The following FRMPD4 variants were observed in gnomAD, a reference collection of about 807,000 sequenced individuals.
FRMPD4 encodes FERM and PDZ domain containing 4.
In FRMPD4, 22 loss-of-function variants were observed where a neutral mutation model predicts 94.1. That is an observed-to-expected ratio of 0.23 (90% CI 0.17 to 0.33). The LOEUF (loss-of-function observed/expected upper bound fraction) is 0.33, where lower values mean the gene tolerates loss of function less well. FRMPD4 is among the 10% of genes least tolerant of loss of function. The probability of loss-of-function intolerance (pLI) is 1.00; values close to 1 mark genes in which losing one functional copy is unlikely to be tolerated. For missense variants in FRMPD4, 1,111 were observed against 1,339.9 expected, an observed-to-expected ratio of 0.83 and a Z score of 2.67; for synonymous variants, 631 against 548.6, an observed-to-expected ratio of 1.15 and a Z score of -2.10.
chrX:12,686,034 T>G, intron 6 of FRMPD4, 63 bp from the exon 7 acceptor site: 1 of 537,567 alleles, frequency 1.9e-6, no homozygotes, highest in East Asian at 3.4e-5. Context: ...GATGTGCTGC[T>G]ACTGCAAAGA....
intron 2 of FRMPD4, among the ~76,000 whole-genome samples, chrX:12,587,512 A>G (rs1179190586): frequency 9.0e-6 from 1 of 111,513 alleles, no homozygotes; most frequent in Non-Finnish European, 1.9e-5. Context: ...TGTTTCATAT[A>G]AATGGAATCC....
chrX:12,032,704 C>G (rs2054699228), intron 3 of FRMPD4, among the ~76,000 whole-genome samples: 1 of 112,087 alleles, frequency 8.9e-6, no homozygotes, highest in South Asian at 3.7e-4. Flanking sequence ...CTGGCATAAG[C>G]AAAACGATGA....
intron 4 of FRMPD4, among the ~76,000 whole-genome samples, chrX:12,644,639 T>C (rs752412907): frequency 1.8e-5 from 2 of 111,509 alleles, no homozygotes; most frequent in African/African-American, 6.5e-5. Context: ...ATAGCCCCAC[T>C]ACTCTGCCCA....
chrX:12,414,782 C>T (rs775228835), intron 1 of FRMPD4, among the ~76,000 whole-genome samples: 2 of 111,938 alleles, frequency 1.8e-5, no homozygotes, highest in Non-Finnish European at 3.8e-5. Flanking sequence ...TGGTGCTTTA[C>T]ATATCACTAC....
intron 3 of FRMPD4, among the ~76,000 whole-genome samples, chrX:12,115,881 C>T (rs1243455391): frequency 8.9e-6 from 1 of 111,924 alleles, no homozygotes; most frequent in Non-Finnish European, 1.9e-5. Flanking sequence ...TCACTCTTCC[C>T]TTGCAAGCTG....
At chrX:12,286,426 C>T (rs2054600718) in intron 1 of FRMPD4, among the ~76,000 whole-genome samples, 1 of 111,678 alleles carries the variant, frequency 9.0e-6, no homozygotes, top group African/African-American at 3.3e-5. Flanking sequence ...GTACAGTTTG[C>T]CTCAGAAATG....
intron 1 of FRMPD4, among the ~76,000 whole-genome samples, chrX:12,291,548 A>G (rs12391308): frequency 0.052 from 5,793 of 111,783 alleles, 388 homozygotes; most frequent in African/African-American, 0.18. Flanking sequence ...CATTTTCTAC[A>G]TGGGTATCCT....
intron 3 of FRMPD4, among the ~76,000 whole-genome samples, chrX:12,130,267 C>T (rs986045713): frequency 9.0e-6 from 1 of 111,728 alleles, no homozygotes; most frequent in Non-Finnish European, 1.9e-5. Flanking sequence ...GCCTCTACCC[C>T]ACTGTTCTCA....
chrX:12,234,255 G>A (rs768971764), intron 1 of FRMPD4, among the ~76,000 whole-genome samples: 86 of 111,770 alleles, frequency 7.7e-4, no homozygotes, highest in South Asian at 1.5e-3. Flanking sequence ...TTAATGTAAT[G>A]TTAATGGTCT....
At chrX:12,668,560 G>T (rs988115493) in intron 4 of FRMPD4, among the ~76,000 whole-genome samples, 2 of 103,428 alleles carry the variant, frequency 1.9e-5, no homozygotes, top group African/African-American at 7.1e-5. Context: ...CTTGAAAGAA[G>T]AAATTCTGCA....
intron 3 of FRMPD4, among the ~76,000 whole-genome samples, chrX:11,924,025 A>G (rs1199908260): frequency 3.6e-5 from 4 of 112,211 alleles, no homozygotes; most frequent in Non-Finnish European, 7.5e-5. Flanking sequence ...CAACGAAGCT[A>G]AAAATCATGA....
chrX:12,291,102 A>G (rs1198507726), intron 1 of FRMPD4, among the ~76,000 whole-genome samples: 4 of 111,643 alleles, frequency 3.6e-5, no homozygotes, highest in African/African-American at 1.3e-4. Context: ...GGGTAAAAAA[A>G]TAAATAAAAG....
chrX:12,619,466 C>T (rs1011351289), intron 4 of FRMPD4, among the ~76,000 whole-genome samples: 8 of 111,644 alleles, frequency 7.2e-5, no homozygotes, highest in African/African-American at 2.6e-4. Context: ...GTTTTGGAAT[C>T]CAAGTAGGTC....
chrX:12,302,727 C>T (rs1300836319), intron 1 of FRMPD4, among the ~76,000 whole-genome samples: 5 of 111,770 alleles, frequency 4.5e-5, no homozygotes, highest in Non-Finnish European at 9.4e-5. Context: ...ATTATAAAAT[C>T]TTAGTTTGAA....
chrX:12,555,945 G>T (rs1179395607), intron 2 of FRMPD4, among the ~76,000 whole-genome samples: 2 of 110,351 alleles, frequency 1.8e-5, no homozygotes, highest in African/African-American at 3.3e-5. Context: ...TCACTATGTT[G>T]CCCAGGTTGG....
At chrX:12,030,666 A>G (rs1337471825) in intron 3 of FRMPD4, among the ~76,000 whole-genome samples, 1 of 112,239 alleles carries the variant, frequency 8.9e-6, no homozygotes, top group Non-Finnish European at 1.9e-5. Flanking sequence ...ATTGTTAGAG[A>G]AGACACTGTC....
At chrX:12,140,480 C>T (rs976317899) in intron 1 of FRMPD4, among the ~76,000 whole-genome samples, 4 of 112,156 alleles carry the variant, frequency 3.6e-5, no homozygotes, top group African/African-American at 1.3e-4. Context: ...AGTTTCTAAA[C>T]AGCTGTCAAA....
chrX:12,594,451 T>TTTATTTATTTA (rs1555990302), intron 2 of FRMPD4, among the ~76,000 whole-genome samples: 8 of 107,610 alleles, frequency 7.4e-5, no homozygotes, highest in African/African-American at 2.9e-4. Context: ...TTATTTATTT[T>TTTATTTATTTA]TTGAGATGGA....
At chrX:12,026,887 G>A (rs1357289618) in intron 3 of FRMPD4, among the ~76,000 whole-genome samples, 1 of 112,503 alleles carries the variant, frequency 8.9e-6, no homozygotes, top group African/African-American at 3.2e-5. Flanking sequence ...GTGTAATGGT[G>A]TAGGATTTCT....
Sources: gnomAD v4.1 joint callset for allele counts (sites outside exome capture counted in the v4.1 genomes callset) on GRCh38, gnomAD v4.1.1 for gene constraint, MANE v1.5 for transcripts, NCBI Gene and HGNC (gene_info 2026-07-23, HGNC 2026-07-21) for gene names.